Variants in AMPH observed in about 807,000 individuals in gnomAD.
The protein encoded by AMPH is amphiphysin.
A neutral mutation model predicts 99.1 loss-of-function variants in AMPH; 49 were observed. The ratio of observed to expected loss-of-function variants is 0.49; its 90% CI spans 0.39 to 0.63. The LOEUF is 0.63. AMPH is among the 20% of genes least tolerant of loss of function. The pLI, the probability that AMPH is intolerant of heterozygous loss-of-function variation, is 0.00. For synonymous variants in AMPH, 314 were observed against 317.3 expected (o/e 0.99, Z 0.11); for missense variants, 759 against 863.4 (o/e 0.88, Z 1.52).
intron 3 of AMPH, among the ~76,000 whole-genome samples, chr7:38,496,602 T>C (rs3778876): frequency 0.18 from 27,826 of 152,114 alleles, 2,770 homozygotes; most frequent in Middle Eastern, 0.28. Flanking sequence ...GCACTCTGAA[T>C]CCAAGCAAGG....
chr7:38,603,674 G>A (rs1301433675), intron 1 of AMPH, among the ~76,000 whole-genome samples: 3 of 152,144 alleles, frequency 2.0e-5, no homozygotes, highest in Non-Finnish European at 4.4e-5. Flanking sequence ...CTCCATATCA[G>A]TCTTCCATGG....
At chr7:38,553,747 T>C (rs907792535) in intron 1 of AMPH, among the ~76,000 whole-genome samples, 3 of 152,228 alleles carry the variant, frequency 2.0e-5, no homozygotes, top group African/African-American at 4.8e-5. Context: ...CTCAAATTGA[T>C]ACACATTGGA....
Position 38,461,335 on chromosome 7 carries a change from CTGA to C in AMPH, c.962_964del (p.Ile321del). 1 of 1,614,140 alleles carries C rather than the reference CTGA, an allele frequency of 6.2e-7. No homozygotes were observed. Among genetic ancestry groups the C allele is most frequent in the East Asian group, 2.2e-5 (1 of 44,884 alleles). On this transcript the variant is annotated inframe_deletion, in exon 11 of 21. Transcript: ENST00000356264. ...TGGAACAAAGTTGTCCTCAAAGAAA[CTGA>C]TGATGTTCTCCTGCTGCAGTTCCTT... is the stretch of plus-strand genomic sequence containing the variant.
In AMPH at chr7:38,384,660, A is replaced by T; in HGVS notation, c.*158T>A. 1 of 582,562 alleles carries T rather than the reference A, an allele frequency of 1.7e-6. No individual in the cohort carries two copies. The highest frequency in any genetic ancestry group is 3.0e-6 in the Non-Finnish European group (1 of 330,398). 36.1% of individuals were successfully genotyped at this position (582,562 alleles called of 1,614,324 possible). A position where few individuals can be genotyped will look rare whatever the true frequency, so the allele number is the denominator to read the frequency against. On this transcript the variant is annotated 3_prime_UTR_variant, in exon 21 of 21. Transcript: ENST00000356264. Reference sequence around the variant, plus strand: ...CTTAATTTACTTTTTTTCCTCTTACATTTTTTTGCACACATGCTCCATTGA... The same window carrying T: ...CTTAATTTACTTTTTTTCCTCTTACTTTTTTTTGCACACATGCTCCATTGA...
chr7:38,602,883 A>T (rs1793298164), intron 1 of AMPH, among the ~76,000 whole-genome samples: 1 of 152,148 alleles, frequency 6.6e-6, no homozygotes, highest in African/African-American at 2.4e-5. Context: ...GCCCAAATTA[A>T]GACACATTCT....
chr7:38,430,961 A>G (rs3807424), intron 13 of AMPH, among the ~76,000 whole-genome samples: 5,583 of 152,310 alleles, frequency 0.037, 190 homozygotes, highest in South Asian at 0.11. Context: ...AGCTAGATCT[A>G]TCGAACTTTC....
intron 2 of AMPH, chr7:38,531,173 A>G (rs1356118887): frequency 6.6e-6 from 1 of 152,222 alleles, no homozygotes; most frequent in Admixed American, 6.5e-5. Flanking sequence ...CTACTTAGGC[A>G]ACCTCGTGGT....
At chr7:38,574,380 G>A (rs955234215) in intron 1 of AMPH, among the ~76,000 whole-genome samples, 6 of 152,114 alleles carry the variant, frequency 3.9e-5, no homozygotes, top group Admixed American at 1.3e-4. Context: ...GCTCTCCAGC[G>A]GCCCCTCTCA....
chr7:38,415,040 T>A (rs1258143807), intron 17 of AMPH, among the ~76,000 whole-genome samples: 1 of 151,988 alleles, frequency 6.6e-6, no homozygotes. Flanking sequence ...AAGACAAGAG[T>A]GTTGTTTTTT....
intron 2 of AMPH, among the ~76,000 whole-genome samples, chr7:38,513,306 A>G (rs551873006): frequency 2.0e-5 from 3 of 152,332 alleles, no homozygotes; most frequent in Admixed American, 6.5e-5. Flanking sequence ...AGCCAATCAC[A>G]CAACAATTTC....
intron 1 of AMPH, among the ~76,000 whole-genome samples, chr7:38,566,684 G>A (rs577571480): frequency 6.6e-6 from 1 of 151,962 alleles, no homozygotes; most frequent in Non-Finnish European, 1.5e-5. Flanking sequence ...CTACAAAGAA[G>A]TTAAACAAAT....
At chr7:38,582,225 C>G (rs1584271141) in intron 1 of AMPH, among the ~76,000 whole-genome samples, 1 of 152,198 alleles carries the variant, frequency 6.6e-6, no homozygotes, top group East Asian at 1.9e-4. Context: ...GAAAATAGTT[C>G]AAGGATGGGT....
chr7:38,557,482 G>A (rs898828447), intron 1 of AMPH, among the ~76,000 whole-genome samples: 3 of 152,126 alleles, frequency 2.0e-5, no homozygotes, highest in Non-Finnish European at 4.4e-5. Context: ...CCCCTTCACT[G>A]GGCACTCATT....
chr7:38,422,615 G>A (rs1421631075), intron 15 of AMPH, 138 bp from the exon 16 acceptor site: 15 of 637,630 alleles, frequency 2.4e-5, no homozygotes, highest in Non-Finnish European at 3.4e-5. Flanking sequence ...TCTATCTATC[G>A]ACACTCTATC....
At chr7:38,466,558 C>A (rs573189587) in intron 7 of AMPH, among the ~76,000 whole-genome samples, 6 of 151,774 alleles carry the variant, frequency 4.0e-5, no homozygotes, top group African/African-American at 1.5e-4. Context: ...TAGGTCTGAA[C>A]ATGAAGACTG....
Position 38,466,226 on chromosome 7 carries a change from T to C in AMPH, c.613A>G (p.Thr205Ala). ...WSRRVGFYVN[T>A]FKNVSSLEAK... ...TCAAGGCTGGAGACGTTTTTGAAAG[T>C]ATTAACATAAAATCCAACTCGTCTG... is the stretch of plus-strand genomic sequence containing the variant. The change falls in exon 8 of 21, where the codon ACT (threonine) becomes GCT (alanine). Residue 205 changes from threonine (T) to alanine (A), a missense_variant. Coordinates refer to ENST00000356264, the MANE Select transcript of AMPH (RefSeq NM_001635.4). The C allele has an allele frequency of 6.3e-7, 1 of 1,595,998 alleles. No individual in the cohort carries two copies. Among genetic ancestry groups the C allele is most frequent in the African/African-American group, 1.4e-5 (1 of 73,242 alleles).
intron 17 of AMPH, among the ~76,000 whole-genome samples, chr7:38,407,100 G>A (rs1296670889): frequency 2.0e-5 from 2 of 101,960 alleles, no homozygotes; most frequent in Non-Finnish European, 4.0e-5. Flanking sequence ...GTGTGTGTGT[G>A]TGTGTGTGTG....
intron 1 of AMPH, among the ~76,000 whole-genome samples, chr7:38,543,401 G>A (rs1463392979): frequency 6.6e-6 from 1 of 152,230 alleles, no homozygotes; most frequent in Non-Finnish European, 1.5e-5. Context: ...GGGGCTGCTT[G>A]TGATGATGGG....
At chr7:38,394,507 G>A (rs1784608153) in intron 17 of AMPH, among the ~76,000 whole-genome samples, 1 of 152,170 alleles carries the variant, frequency 6.6e-6, no homozygotes, top group Non-Finnish European at 1.5e-5. Flanking sequence ...GGCTTTTAAG[G>A]TGTAGGTGGT....
Sources: gnomAD v4.1 joint callset for allele counts (sites outside exome capture counted in the v4.1 genomes callset) on GRCh38, gnomAD v4.1.1 for gene constraint, MANE v1.5 for transcripts, NCBI Gene and HGNC (gene_info 2026-07-23, HGNC 2026-07-21) for gene names.